The following CUL5 variants were observed in gnomAD, a reference collection of about 807,000 sequenced individuals.
The protein encoded by CUL5 is cullin-5.
In CUL5, 26 loss-of-function variants were observed where a neutral mutation model predicts 108.8. The observed-to-expected ratio is 0.24, with a 90% CI of 0.18 to 0.33. The LOEUF (loss-of-function observed/expected upper bound fraction) is 0.33, where lower values mean the gene tolerates loss of function less well. Among genes scored for constraint, CUL5 ranks in the 10% least tolerant of loss-of-function variants. The pLI, the probability that CUL5 is intolerant of heterozygous loss-of-function variation, is 1.00. For missense variants in CUL5, 524 were observed against 909.2 expected (o/e 0.58, Z 5.45); for synonymous variants, 334 against 298.0 (o/e 1.12, Z -1.25).
At chr11:108,044,552 G>A (rs1476172498) in intron 2 of CUL5, among the ~76,000 whole-genome samples, 2 of 151,614 alleles carry the variant, frequency 1.3e-5, no homozygotes, top group Non-Finnish European at 2.9e-5. Context: ...TTATTGACAT[G>A]TTGTAATTCT....
chr11:108,089,001 AAGAT>A (rs995045400), intron 12 of CUL5, among the ~76,000 whole-genome samples: 43 of 152,276 alleles, frequency 2.8e-4, no homozygotes, highest in South Asian at 2.1e-4. Flanking sequence ...GTGAGAGTCC[AAGAT>A]AGATAGCAAG....
chr11:108,072,312 A>G lies in CUL5; in HGVS notation c.875-20A>G. On this transcript the variant is annotated intron_variant, in intron 8 of 18. Transcript: ENST00000393094. ...CTCTAGTAAATGAAATGATTACATG[A>G]ATGTGTTCTCTCCTTCCAGAATTAC... 4.4e-6 allele frequency: 7 copies of G among 1,573,140 alleles called. No individual in the cohort carries two copies. Among genetic ancestry groups the G allele is most frequent in the Non-Finnish European group, 6.1e-6 (7 of 1,155,466 alleles).
At chr11:108,027,068 T>G (rs1249967278) in intron 1 of CUL5, among the ~76,000 whole-genome samples, 1 of 152,092 alleles carries the variant, frequency 6.6e-6, no homozygotes, top group Non-Finnish European at 1.5e-5. Flanking sequence ...TACTCTCTTA[T>G]ACAGGAAAAA....
rs560352242 is a variant in CUL5, at chr11:108,104,923, T to C, written c.*539T>C. The C allele has an allele frequency of 6.6e-6, 1 of 152,650 alleles. No individual in the cohort carries two copies. The highest frequency in any genetic ancestry group is 2.1e-4 in the South Asian group (1 of 4,838). The allele number at this position is 152,650 out of a possible 1,614,324, so 9.5% of individuals were successfully genotyped here. A position where few individuals can be genotyped will look rare whatever the true frequency, so the allele number is the denominator to read the frequency against. On this transcript the variant is annotated 3_prime_UTR_variant, in exon 19 of 19. Transcript: ENST00000393094. ...TGTAGGTGAGAAGTTAAGTATTTAA[T>C]AGTATCAAATTGTTCAAACATTGCT... is the stretch of plus-strand genomic sequence containing the variant.
chr11:108,083,790 T>G (rs1864156392), intron 11 of CUL5, among the ~76,000 whole-genome samples: 1 of 152,086 alleles, frequency 6.6e-6, no homozygotes, highest in Non-Finnish European at 1.5e-5. Context: ...AGTAGAAAAT[T>G]TCTGTGGAGT....
At chr11:108,079,673 C>T (rs576048492) in intron 11 of CUL5, among the ~76,000 whole-genome samples, 1 of 152,168 alleles carries the variant, frequency 6.6e-6, no homozygotes, top group African/African-American at 2.4e-5. Flanking sequence ...TGACAAATGC[C>T]TATACCCCTA....
At chr11:108,066,190 CA>C (rs962724403) in intron 7 of CUL5, among the ~76,000 whole-genome samples, 1 of 151,940 alleles carries the variant, frequency 6.6e-6, no homozygotes, top group African/African-American at 2.4e-5. Flanking sequence ...AATACAAAAA[CA>C]AACTTAGCCA....
rs745406143 is a variant in CUL5, at chr11:108,072,362, A to G, written c.905A>G (p.Lys302Arg). 4.4e-6 allele frequency: 7 copies of G among 1,608,632 alleles called. No homozygotes were observed. The highest frequency in any genetic ancestry group is 2.7e-5 in the African/African-American group (2 of 74,766). ...KLHLMFSLMD[K>R]VPNGIEPMLK... ...CATTTAATGTTTTCATTGATGGACA[A>G]AGTTCCTAATGGTATAGAGCCAATG... The change falls in exon 9 of 19, where the codon AAA becomes AGA. Residue 302 changes from lysine to arginine, a missense_variant. Lys to Arg is a conservative substitution (Grantham distance 26, BLOSUM62 2). Around this residue, in one of 8 missense-constraint regions of CUL5, gnomAD observed 170 missense variants for 305.1 expected, o/e 0.56. Coordinates refer to ENST00000393094, the MANE Select transcript of CUL5 (RefSeq NM_003478.6).
At chr11:108,065,704 A>C (rs1033012019) in intron 7 of CUL5, among the ~76,000 whole-genome samples, 2 of 152,208 alleles carry the variant, frequency 1.3e-5, no homozygotes, top group Non-Finnish European at 2.9e-5. Context: ...ATTCAAGACT[A>C]TCTTTCCTAC....
chr11:108,100,518 T>A (rs1198074267), intron 18 of CUL5, among the ~76,000 whole-genome samples: 1 of 151,960 alleles, frequency 6.6e-6, no homozygotes. Flanking sequence ...CACTCCAGCT[T>A]GGGCAATAGA....
At chr11:108,017,311 G>A (rs1286117187) in intron 1 of CUL5, among the ~76,000 whole-genome samples, 2 of 147,736 alleles carry the variant, frequency 1.4e-5, no homozygotes, top group African/African-American at 5.0e-5. Context: ...GCTTGCTTGA[G>A]CCCAGGAGGT....
chr11:108,034,438 G>T (rs1449211243), intron 2 of CUL5, among the ~76,000 whole-genome samples: 1 of 152,138 alleles, frequency 6.6e-6, no homozygotes, highest in African/African-American at 2.4e-5. Flanking sequence ...GTTATTTCAG[G>T]AAAGTGTAGG....
chr11:108,047,644 T>G (rs1163222973), intron 3 of CUL5, among the ~76,000 whole-genome samples: 1 of 152,202 alleles, frequency 6.6e-6, no homozygotes, highest in East Asian at 1.9e-4. Flanking sequence ...CTTGACAAAT[T>G]TTTTAAATTG....
At chr11:108,039,552 T>C (rs1184167628) in intron 2 of CUL5, among the ~76,000 whole-genome samples, 1 of 152,238 alleles carries the variant, frequency 6.6e-6, no homozygotes, top group South Asian at 2.1e-4. Context: ...TCACAATGTT[T>C]TGCAAACATC....
In CUL5 at chr11:108,037,746, CAGA is replaced by C. The variant is rs1419527724; in HGVS notation, c.134+3840_134+3842del. ...GGCACATACCAAAATTCGAGACTGG[CAGA>C]AGAAAAGGAAGTGTTCAACGTAAGT... On this transcript the variant is annotated intron_variant, in intron 2 of 18. Coordinates refer to ENST00000393094, the MANE Select transcript of CUL5 (RefSeq NM_003478.6). Among the ~76,000 whole-genome samples, 3 of 152,246 alleles carry C rather than the reference CAGA, an allele frequency of 2.0e-5. No individual in the cohort carries two copies. In the East Asian group the frequency reaches 5.8e-4, roughly 29 times the overall value.
intron 1 of CUL5, among the ~76,000 whole-genome samples, chr11:108,026,816 C>A (rs1433011953): frequency 6.6e-6 from 1 of 151,856 alleles, no homozygotes; most frequent in Non-Finnish European, 1.5e-5. Flanking sequence ...TGGCGAAACC[C>A]CATCTCTACT....
chr11:108,083,963 T>G (rs1173930068), intron 11 of CUL5, among the ~76,000 whole-genome samples: 1 of 152,228 alleles, frequency 6.6e-6, no homozygotes, highest in Non-Finnish European at 1.5e-5. Flanking sequence ...TAAACTTCCG[T>G]AAAACATTAT....
At chr11:108,024,386 G>A (rs1862405363) in intron 1 of CUL5, among the ~76,000 whole-genome samples, 1 of 152,126 alleles carries the variant, frequency 6.6e-6, no homozygotes, top group Admixed American at 6.6e-5. Flanking sequence ...TTATGCCACT[G>A]CACTCTTGCC....
chr11:108,032,500 C>G (rs1862615860), intron 1 of CUL5, among the ~76,000 whole-genome samples: 2 of 151,950 alleles, frequency 1.3e-5, no homozygotes, highest in African/African-American at 2.4e-5. Context: ...AGAGCAAGAC[C>G]CTGTCTTAAA....
Sources: gnomAD v4.1 joint callset for allele counts (sites outside exome capture counted in the v4.1 genomes callset) on GRCh38, gnomAD v4.1.1 for gene constraint, gnomAD v4.1.1 regional missense constraint, MANE v1.5 for transcripts, NCBI Gene and HGNC (gene_info 2026-07-23, HGNC 2026-07-21) for gene names.